Variants in HK2 observed in about 807,000 individuals in gnomAD.
HK2 encodes the protein hexokinase 2, also known as hexokinase-2.
In HK2, 42 loss-of-function variants were observed where a neutral mutation model predicts 92.9. That is an observed-to-expected ratio of 0.45 (90% confidence interval 0.35 to 0.58). The LOEUF (loss-of-function observed/expected upper bound fraction) is 0.58, where lower values mean the gene tolerates loss of function less well. Ranked by LOEUF, HK2 falls within the 20% of genes least tolerant of loss-of-function variation. The pLI is 0.00. For synonymous variants in HK2, 422 were observed against 468.0 expected, an observed-to-expected ratio of 0.90 and a Z score of 1.27; for missense variants, 978 against 1,245.1, an observed-to-expected ratio of 0.79 and a Z score of 3.23.
intron 2 of HK2, among the ~76,000 whole-genome samples, chr2:74,863,888 C>T (rs1446267523): frequency 2.6e-5 from 4 of 152,156 alleles, no homozygotes; most frequent in Non-Finnish European, 5.9e-5. Flanking sequence ...TGAAAGTATG[C>T]GTTTGTGACT....
chr2:74,843,361 C>T (rs1048847164), intron 1 of HK2, among the ~76,000 whole-genome samples: 4 of 152,204 alleles, frequency 2.6e-5, no homozygotes, highest in African/African-American at 9.7e-5. Context: ...CTCCATCCCA[C>T]CTCTTGAACA....
intron 2 of HK2, among the ~76,000 whole-genome samples, chr2:74,855,158 G>A (rs984803307): frequency 2.0e-5 from 3 of 152,090 alleles, no homozygotes; most frequent in African/African-American, 4.8e-5. Context: ...CACCAAGCCC[G>A]GCTAATTTTG....
intron 2 of HK2, among the ~76,000 whole-genome samples, chr2:74,856,564 C>T (rs897678781): frequency 6.6e-6 from 1 of 152,178 alleles, no homozygotes; most frequent in African/African-American, 2.4e-5. Context: ...TTATTTCACC[C>T]AGCACTAACA....
intron 1 of HK2, among the ~76,000 whole-genome samples, chr2:74,853,794 A>G (rs1340399498): frequency 6.6e-6 from 1 of 152,084 alleles, no homozygotes; most frequent in Non-Finnish European, 1.5e-5. Context: ...AAAGCCCTGA[A>G]AGCCGGGGAT....
chr2:74,888,172 G>T (rs1689586522), intron 16 of HK2, 114 bp downstream of exon 16: 2 of 1,103,872 alleles, frequency 1.8e-6, no homozygotes, highest in Middle Eastern at 4.3e-4. Flanking sequence ...TCAGTTTAGT[G>T]GCAAACACAT....
rs760644714 is a variant in HK2, at chr2:74,834,635, G to T, written c.55G>T (p.Val19Leu). The T allele has an allele frequency of 4.3e-6, 7 of 1,613,858 alleles. No homozygotes were observed. Among genetic ancestry groups the T allele is most frequent in the Admixed American group, 1.7e-5 (1 of 60,008 alleles). ...CTTCACGGAGCTCAACCATGACCAA[G>T]TGCAGAAGGTAAGTCAGCGCGGGCG... The part of the protein sequence containing the change: ...YFFTELNHDQ[V>L]QKVDQYLYHM... Residue 19 changes from valine (V) to leucine (L), a missense_variant, in exon 1 of 18, where the codon GTG becomes TTG. Coordinates refer to ENST00000290573, the MANE Select transcript of HK2 (RefSeq NM_000189.5). This position sits in a 1 kb window ranked among gnomAD's most constrained non-coding sequence, Gnocchi z 4.2.
intron 6 of HK2, 77 bp from the exon 7 acceptor site, chr2:74,874,189 G>A (rs1689167962): frequency 1.3e-6 from 2 of 1,576,618 alleles, no homozygotes; most frequent in East Asian, 2.2e-5. Flanking sequence ...GGCAGTCTCG[G>A]GACAGTAGTA....
chr2:74,852,646 C>CA (rs1688597648), intron 1 of HK2, among the ~76,000 whole-genome samples: 1 of 150,932 alleles, frequency 6.6e-6, no homozygotes, highest in Non-Finnish European at 1.5e-5. Flanking sequence ...ACAAGCTGGG[C>CA]AATATAGCAA....
intron 1 of HK2, among the ~76,000 whole-genome samples, chr2:74,851,730 G>A (rs1688574114): frequency 6.6e-6 from 1 of 152,152 alleles, no homozygotes; most frequent in Non-Finnish European, 1.5e-5. Flanking sequence ...AAGTAGTGAG[G>A]TGAGAGTGTC....
rs777481912 is a variant in HK2 at position 74,854,461 on chromosome 2, G to T, written c.226+6G>T. 6.2e-7 allele frequency: 1 copy of T among 1,614,028 alleles called. No individual in the cohort carries two copies. The highest frequency in any genetic ancestry group is 1.3e-5 in the African/African-American group (1 of 75,062). On this transcript the variant is annotated splice_donor_region_variant and intron_variant, in intron 2 of 17. Transcript: ENST00000290573. Reference sequence around the variant, plus strand: ...GTCCACTCCAGATGGGACAGGTACTGCATCTGGGGGATGGCTCTAGCTGCT... The same window carrying T: ...GTCCACTCCAGATGGGACAGGTACTTCATCTGGGGGATGGCTCTAGCTGCT...
chr2:74,843,865 C>G (rs1055798067), intron 1 of HK2, among the ~76,000 whole-genome samples: 14 of 152,244 alleles, frequency 9.2e-5, no homozygotes, highest in Non-Finnish European at 1.6e-4. Flanking sequence ...CCAAACTTTT[C>G]TGTCTCAGTC....
intron 10 of HK2, among the ~76,000 whole-genome samples, chr2:74,881,011 G>T (rs1050379930): frequency 6.6e-6 from 1 of 152,198 alleles, no homozygotes; most frequent in Non-Finnish European, 1.5e-5. Context: ...CTGAGTCAGG[G>T]TTGGCAAACT....
intron 1 of HK2, chr2:74,835,487 T>A (rs898535946): frequency 6.6e-6 from 1 of 152,368 alleles, no homozygotes; most frequent in Non-Finnish European, 1.5e-5. Context: ...TCGACCTGTC[T>A]GTTCCCACCT....
intron 2 of HK2, among the ~76,000 whole-genome samples, chr2:74,866,166 G>C (rs1573374097): frequency 6.6e-6 from 1 of 152,078 alleles, no homozygotes; most frequent in East Asian, 1.9e-4. Flanking sequence ...TGTTCTCAGG[G>C]AGCTGGTCAG....
At position 74,854,355 on chromosome 2, in the gene HK2, G is replaced by A; in HGVS notation, c.126G>A (p.Arg42=). ...SDETLLEISK[R]FRKEMEKGLG... ...AGACCCTCTTGGAGATCTCTAAGCG[G>A]TTCCGCAAGGAGATGGAGAAAGGGC... The change falls in exon 2 of 18, where the codon CGG becomes CGA. Residue 42 remains arginine, a synonymous_variant. Coordinates refer to ENST00000290573, the MANE Select transcript of HK2 (RefSeq NM_000189.5). 2 of 1,613,808 alleles carry A rather than the reference G, an allele frequency of 1.2e-6. No homozygotes were observed. The highest frequency in any genetic ancestry group is 1.7e-5 in the Admixed American group (1 of 60,022).
chr2:74,885,213 A>G (rs1434363673), intron 12 of HK2, among the ~76,000 whole-genome samples: 1 of 152,208 alleles, frequency 6.6e-6, no homozygotes, highest in Admixed American at 6.5e-5. Flanking sequence ...TCAGTTTCTT[A>G]TAAAGTGGCC....
At chr2:74,880,965 G>A (rs1416934035) in intron 10 of HK2, among the ~76,000 whole-genome samples, 1 of 152,254 alleles carries the variant, frequency 6.6e-6, no homozygotes, top group Non-Finnish European at 1.5e-5. Flanking sequence ...CAGGAATTCA[G>A]GTTCTAGAAT....
Position 74,886,663 on chromosome 2 carries a change from G to A in HK2, c.2209G>A (p.Gly737Ser), listed in dbSNP as rs1245632368. The A allele has an allele frequency of 2.5e-6, 4 of 1,613,728 alleles. No individual in the cohort carries two copies. In the African/African-American group the frequency reaches 4.0e-5, roughly 16 times the overall value. ...TGTGGATGAGCTTTCACTCAACCCC[G>A]GCAAGCAGAGGTAGGCACCCAACTG... is the stretch of plus-strand genomic sequence containing the variant. ...VAVDELSLNP[G>S]KQRFEKMISG... Residue 737 changes from glycine (G) to serine (S), a missense_variant, in exon 15 of 18, where the codon GGC becomes AGC. Around this residue, in one of 3 missense-constraint regions of HK2, gnomAD observed 742 missense variants for 922.5 expected, o/e 0.80. Coordinates refer to ENST00000290573, the MANE Select transcript of HK2 (RefSeq NM_000189.5).
intron 2 of HK2, among the ~76,000 whole-genome samples, chr2:74,866,074 G>A (rs11689606): frequency 0.17 from 26,093 of 151,966 alleles, 2,802 homozygotes; most frequent in Admixed American, 0.31. Flanking sequence ...GTGTCACATC[G>A]CCTGACACAC....
Sources: gnomAD v4.1 joint callset for allele counts (sites outside exome capture counted in the v4.1 genomes callset) on GRCh38, gnomAD v4.1.1 for gene constraint, gnomAD v4.1.1 regional missense constraint, Gnocchi (gnomAD v3.1) non-coding constraint, MANE v1.5 for transcripts, NCBI Gene and HGNC (gene_info 2026-07-23, HGNC 2026-07-21) for gene names.